LHFPL6: variants seen among roughly 807,000 people sequenced by gnomAD.
The protein encoded by LHFPL6 is LHFPL tetraspan subfamily member 6 protein.
Under a neutral mutation model 20.6 loss-of-function variants are expected in LHFPL6, and 9 were observed. The observed-to-expected ratio is 0.44, with a 90% CI of 0.26 to 0.76. The LOEUF is 0.76. LHFPL6 is among the 30% of genes least tolerant of loss of function. The pLI, the probability that LHFPL6 is intolerant of heterozygous loss-of-function variation, is 0.20. For synonymous variants in LHFPL6, 105 were observed against 98.7 expected (o/e 1.06, Z -0.38); for missense variants, 218 against 253.5 (o/e 0.86, Z 0.95).
At chr13:39,414,132 T>C (rs1485887659) in intron 2 of LHFPL6, among the ~76,000 whole-genome samples, 1 of 152,260 alleles carries the variant, frequency 6.6e-6, no homozygotes, top group East Asian at 1.9e-4. Context: ...CATTCTCATA[T>C]GCCGTTTCAT....
chr13:39,478,912 C>T (rs1338236234), intron 2 of LHFPL6, among the ~76,000 whole-genome samples: 1 of 151,754 alleles, frequency 6.6e-6, no homozygotes, highest in Non-Finnish European at 1.5e-5. Context: ...ATCACATGAG[C>T]CAACTCCTTA....
At chr13:39,408,803 T>C (rs906559778) in intron 2 of LHFPL6, among the ~76,000 whole-genome samples, 9 of 152,204 alleles carry the variant, frequency 5.9e-5, no homozygotes, top group Non-Finnish European at 1.3e-4. Context: ...TGACCAGAAA[T>C]GTAATTTAGA....
chr13:39,508,740 G>A (rs768417698), intron 2 of LHFPL6, among the ~76,000 whole-genome samples: 1 of 152,126 alleles, frequency 6.6e-6, no homozygotes, highest in African/African-American at 2.4e-5. Flanking sequence ...CCTACTGATG[G>A]ACATCTTCAT....
intron 2 of LHFPL6, among the ~76,000 whole-genome samples, chr13:39,523,897 C>T (rs1395587942): frequency 6.6e-6 from 1 of 152,010 alleles, no homozygotes; most frequent in Admixed American, 6.6e-5. Context: ...AAGAAAGATT[C>T]CATAAATAAG....
intron 2 of LHFPL6, among the ~76,000 whole-genome samples, chr13:39,560,320 T>C (rs1170905325): frequency 1.3e-5 from 2 of 152,080 alleles, no homozygotes; most frequent in East Asian, 3.9e-4. Context: ...TTCAGAAAGT[T>C]AATTAATTTT....
At chr13:39,548,219 T>C (rs2138509738) in intron 2 of LHFPL6, among the ~76,000 whole-genome samples, 1 of 152,132 alleles carries the variant, frequency 6.6e-6, no homozygotes, top group Non-Finnish European at 1.5e-5. Context: ...CTTCCAAAGA[T>C]TTAATAATAG....
chr13:39,463,017 C>T (rs967372753), intron 2 of LHFPL6, among the ~76,000 whole-genome samples: 1 of 152,166 alleles, frequency 6.6e-6, no homozygotes, highest in Non-Finnish European at 1.5e-5. Context: ...CCAAGAAAAA[C>T]CAGCATCCTG....
In LHFPL6 at chr13:39,394,201, A is replaced by C. The variant is rs368284149; in HGVS notation, c.386-15675T>G. ...GCAATCCTCCTGCCGGAGCCTCCTA[A>C]ATTGTTGGGATTACAGGTGTGAACC... On this transcript the variant is annotated intron_variant, in intron 2 of 3. Coordinates refer to ENST00000379589, the MANE Select transcript of LHFPL6 (RefSeq NM_005780.3). Among the ~76,000 whole-genome samples, 27 of 152,230 alleles carry C rather than the reference A, an allele frequency of 1.8e-4. No individual in the cohort carries two copies. In the South Asian group the frequency reaches 5.4e-3, roughly 30 times the overall value.
chr13:39,536,923 C>G (rs1870636555), intron 2 of LHFPL6, among the ~76,000 whole-genome samples: 1 of 152,220 alleles, frequency 6.6e-6, no homozygotes, highest in Non-Finnish European at 1.5e-5. Context: ...TGACCCTTAG[C>G]TGTCTCCTCT....
At chr13:39,570,165 C>T (rs560549509) in intron 2 of LHFPL6, among the ~76,000 whole-genome samples, 1 of 152,152 alleles carries the variant, frequency 6.6e-6, no homozygotes, top group Admixed American at 6.5e-5. Flanking sequence ...TTTTTAGAAA[C>T]AGGGTCTTGC....
chr13:39,350,820 T>G (rs972919905), intron 3 of LHFPL6, among the ~76,000 whole-genome samples: 3 of 152,188 alleles, frequency 2.0e-5, no homozygotes, highest in East Asian at 3.8e-4. Context: ...AGAAAAAGAC[T>G]GTGGCGGAAT....
At chr13:39,421,403 C>G (rs1343202352) in intron 2 of LHFPL6, among the ~76,000 whole-genome samples, 1 of 152,086 alleles carries the variant, frequency 6.6e-6, no homozygotes, top group Non-Finnish European at 1.5e-5. Flanking sequence ...CACACACATA[C>G]TGTGATGAAA....
chr13:39,592,928 C>A (rs184870792), intron 2 of LHFPL6, among the ~76,000 whole-genome samples: 17 of 152,206 alleles, frequency 1.1e-4, no homozygotes, highest in Non-Finnish European at 2.1e-4. Context: ...AACAACCCTT[C>A]ATGCTAAAAA....
intron 2 of LHFPL6, among the ~76,000 whole-genome samples, chr13:39,476,127 C>T (rs1361689031): frequency 2.6e-5 from 4 of 152,002 alleles, no homozygotes; most frequent in African/African-American, 9.7e-5. Context: ...TGTACTTAAC[C>T]CAAGGAAACA....
chr13:39,542,807 A>G (rs1208336325), intron 2 of LHFPL6, among the ~76,000 whole-genome samples: 2 of 152,256 alleles, frequency 1.3e-5, no homozygotes, highest in Non-Finnish European at 2.9e-5. Context: ...CGCATGGGTC[A>G]TAATGATGAA....
intron 2 of LHFPL6, among the ~76,000 whole-genome samples, chr13:39,540,956 A>G (rs1231857523): frequency 1.3e-5 from 2 of 152,254 alleles, no homozygotes; most frequent in Non-Finnish European, 2.9e-5. Context: ...AGAGAAGTTT[A>G]AAATGAAACA....
At chr13:39,560,746 A>C (rs1351677096) in intron 2 of LHFPL6, among the ~76,000 whole-genome samples, 1 of 151,692 alleles carries the variant, frequency 6.6e-6, no homozygotes, top group East Asian at 1.9e-4. Context: ...CTATCTCCTG[A>C]CCTCATGATC....
At chr13:39,563,403 G>A (rs141964746) in intron 2 of LHFPL6, among the ~76,000 whole-genome samples, 10 of 152,248 alleles carry the variant, frequency 6.6e-5, no homozygotes, top group African/African-American at 2.4e-4. Flanking sequence ...GATACATCTT[G>A]TGCACAGGAA....
At chr13:39,583,076 T>G (rs1872337740) in intron 2 of LHFPL6, among the ~76,000 whole-genome samples, 1 of 150,858 alleles carries the variant, frequency 6.6e-6, no homozygotes, top group Admixed American at 6.6e-5. Context: ...GGAGTTACAA[T>G]CAGAGAAGAA....
Sources: allele counts gnomAD v4.1 joint callset (sites outside exome capture counted in the v4.1 genomes callset), GRCh38; gene constraint gnomAD v4.1.1; transcripts MANE v1.5; gene names NCBI Gene and HGNC (gene_info 2026-07-23, HGNC 2026-07-21).